SRGAP3: variants seen among roughly 807,000 people sequenced by gnomAD.
SRGAP3 encodes the protein SLIT-ROBO Rho GTPase activating protein 3, also known as SLIT-ROBO Rho GTPase-activating protein 3.
SRGAP3 carries 39 observed loss-of-function variants against 121.1 expected under a neutral mutation model. That is an observed-to-expected ratio of 0.32 (90% CI 0.25 to 0.42). SRGAP3 has a LOEUF of 0.42. Among genes scored for constraint, SRGAP3 ranks in the 10% least tolerant of loss-of-function variants. SRGAP3 has a pLI of 1.00. For synonymous variants in SRGAP3, 601 were observed against 570.0 expected (o/e 1.05, Z -0.77); for missense variants, 1,213 against 1,470.6 (o/e 0.82, Z 2.86).
chr3:9,013,578 G>A lies in SRGAP3; in HGVS notation c.1920-43C>T, dbSNP rs762105828. On this transcript the variant is annotated intron_variant, in intron 16 of 21. Transcript: ENST00000383836. ...CCCACAAGTCATCTGGGAAAGGCAA[G>A]TCCTCCCCCTGTGTTTTTTTTCTTT... The A allele has an allele frequency of 2.5e-6, 4 of 1,604,492 alleles. No homozygotes were observed. The South Asian group carries it at 4.4e-5, about 18-fold the overall frequency.
At chr3:9,263,237 T>C (rs1954289115) in intron 3 of SRGAP3, among the ~76,000 whole-genome samples, 1 of 152,206 alleles carries the variant, frequency 6.6e-6, no homozygotes, top group Admixed American at 6.5e-5. Flanking sequence ...GGGAAATTTA[T>C]AGCACTAAAT....
intron 3 of SRGAP3, among the ~76,000 whole-genome samples, chr3:9,093,524 T>C (rs1947841801): frequency 6.6e-6 from 1 of 151,976 alleles, no homozygotes; most frequent in Non-Finnish European, 1.5e-5. Context: ...CATTCATCCA[T>C]CCATATACCC....
At chr3:9,339,209 T>TA (rs1397404471) in intron 1 of SRGAP3, among the ~76,000 whole-genome samples, 7 of 152,332 alleles carry the variant, frequency 4.6e-5, no homozygotes, top group East Asian at 3.9e-4. Flanking sequence ...AAAAATGTGA[T>TA]AAAAAATACC....
intron 10 of SRGAP3, among the ~76,000 whole-genome samples, chr3:9,038,339 C>G (rs1944864152): frequency 6.6e-6 from 1 of 152,244 alleles, no homozygotes; most frequent in Non-Finnish European, 1.5e-5. Context: ...GATTCTCAAA[C>G]TACAGCCCGC....
chr3:9,242,319 A>T (rs181178208), intron 1 of SRGAP3, among the ~76,000 whole-genome samples: 4 of 152,316 alleles, frequency 2.6e-5, no homozygotes, highest in Admixed American at 2.0e-4. Flanking sequence ...ATAGCAGCCC[A>T]AGCCAACTAA....
chr3:9,152,630 C>T (rs1337056267), intron 1 of SRGAP3, among the ~76,000 whole-genome samples: 3 of 152,186 alleles, frequency 2.0e-5, no homozygotes, highest in African/African-American at 4.8e-5. Context: ...GCAGTGTGGC[C>T]TCCATTCCCA....
chr3:9,335,007 A>G (rs73023267), intron 1 of SRGAP3, among the ~76,000 whole-genome samples: 5,425 of 152,340 alleles, frequency 0.036, 146 homozygotes, highest in Non-Finnish European at 0.044. Context: ...AAAACTGAGC[A>G]AAGCAGGCCT....
chr3:9,019,552 G>A (rs1943808840), intron 14 of SRGAP3, among the ~76,000 whole-genome samples: 1 of 152,240 alleles, frequency 6.6e-6, no homozygotes, highest in Non-Finnish European at 1.5e-5. Context: ...ACAATGGGCT[G>A]CTCCTCCTCC....
At chr3:9,341,002 G>C (rs1178316756) in intron 1 of SRGAP3, among the ~76,000 whole-genome samples, 1 of 152,196 alleles carries the variant, frequency 6.6e-6, no homozygotes. Flanking sequence ...GCTGGGTTTT[G>C]GTGAGGGCCT....
chr3:9,101,065 G>A (rs7639206), intron 3 of SRGAP3, among the ~76,000 whole-genome samples: 4,592 of 152,328 alleles, frequency 0.03, 225 homozygotes, highest in African/African-American at 0.11. Context: ...ATCAGGACCT[G>A]TGAGTGAAAA....
intron 3 of SRGAP3, among the ~76,000 whole-genome samples, chr3:9,290,025 C>T (rs1227953576): frequency 1.3e-5 from 2 of 152,072 alleles, no homozygotes; most frequent in Non-Finnish European, 2.9e-5. Flanking sequence ...ACAGGAGAAT[C>T]GCTTGAACTC....
chr3:9,042,287 T>C (rs554969497), intron 10 of SRGAP3, among the ~76,000 whole-genome samples: 41 of 152,212 alleles, frequency 2.7e-4, no homozygotes, highest in South Asian at 6.2e-4. Flanking sequence ...ATTTTGCACA[T>C]CCCAATTCAG....
chr3:9,051,396 T>A (rs1945570129), intron 9 of SRGAP3, among the ~76,000 whole-genome samples: 1 of 152,186 alleles, frequency 6.6e-6, no homozygotes, highest in Admixed American at 6.5e-5. Flanking sequence ...TTGGAAGCCA[T>A]GCTTACTGAA....
At chr3:9,172,160 C>G (rs1333486439) in intron 1 of SRGAP3, among the ~76,000 whole-genome samples, 1 of 147,356 alleles carries the variant, frequency 6.8e-6, no homozygotes, top group Non-Finnish European at 1.5e-5. Flanking sequence ...GTGGTGCAGT[C>G]TCCACTCACT....
intron 3 of SRGAP3, among the ~76,000 whole-genome samples, chr3:9,082,982 AGAGGGT>A (rs1428746799): frequency 1.3e-5 from 2 of 152,182 alleles, no homozygotes; most frequent in African/African-American, 4.8e-5. Context: ...TCCAGCTTCG[AGAGGGT>A]GTGGAGAACC....
chr3:8,987,360 G>A (rs1158791511), intron 21 of SRGAP3, among the ~76,000 whole-genome samples: 1 of 152,184 alleles, frequency 6.6e-6, no homozygotes, highest in East Asian at 1.9e-4. Context: ...GGTAGGTGCC[G>A]TGCATAACCT....
intron 16 of SRGAP3, 91 bp from the exon 17 acceptor site, chr3:9,013,626 G>T: frequency 6.4e-7 from 1 of 1,557,200 alleles, no homozygotes; most frequent in Non-Finnish European, 8.8e-7. Flanking sequence ...TTCAAATCCA[G>T]GAGGGTTCCA....
At chr3:9,116,360 T>C (rs535618658) in intron 2 of SRGAP3, among the ~76,000 whole-genome samples, 1 of 152,344 alleles carries the variant, frequency 6.6e-6, no homozygotes, top group East Asian at 1.9e-4. Context: ...AATTCAGCCA[T>C]TCACTGAAAA....
chr3:9,203,349 C>G (rs1172861384), intron 1 of SRGAP3, among the ~76,000 whole-genome samples: 2 of 152,206 alleles, frequency 1.3e-5, no homozygotes, highest in African/African-American at 4.8e-5. Flanking sequence ...ACCACTTAAC[C>G]TCTCTGAATC....
Sources: allele counts gnomAD v4.1 joint callset (sites outside exome capture counted in the v4.1 genomes callset), GRCh38; gene constraint gnomAD v4.1.1; transcripts MANE v1.5; gene names NCBI Gene and HGNC (gene_info 2026-07-23, HGNC 2026-07-21).